The following DENND4A variants were observed in gnomAD, a reference collection of about 807,000 sequenced individuals.
DENND4A encodes the protein C-myc promoter-binding protein.
In DENND4A, 70 loss-of-function variants were observed where a neutral mutation model predicts 199.3. The observed-to-expected ratio is 0.35, with a 90% CI of 0.29 to 0.43. The LOEUF (loss-of-function observed/expected upper bound fraction) is 0.43, where lower values mean the gene tolerates loss of function less well. Ranked by LOEUF, DENND4A falls within the 20% of genes least tolerant of loss-of-function variation. The pLI, the probability that DENND4A is intolerant of heterozygous loss-of-function variation, is 1.00. For synonymous variants in DENND4A, 686 were observed against 766.9 expected (o/e 0.89, Z 1.74); for missense variants, 1,723 against 2,255.8 (o/e 0.76, Z 4.78).
Position 65,757,265 on chromosome 15 carries a change from G to C in DENND4A, c.-22-793C>G, listed in dbSNP as rs866204948. On this transcript the variant is annotated intron_variant, in intron 2 of 32. Coordinates refer to ENST00000443035, the MANE Select transcript of DENND4A (RefSeq NM_001320835.1). Reference sequence around the variant, plus strand: ...ATTTTGTTTTATTCTTCTGAGATGGGGGGGGGGGGGTCTCACTATGTTGCC... The same window carrying C: ...ATTTTGTTTTATTCTTCTGAGATGGCGGGGGGGGGGTCTCACTATGTTGCC... 1.9e-4 allele frequency among the ~76,000 whole-genome samples: 26 copies of C among 134,442 alleles called. 1 individual carries two copies. The South Asian group carries it at 3.2e-3, about 17-fold the overall frequency. 88.2% of individuals were successfully genotyped at this position (134,442 alleles called of 152,430 possible).
intron 14 of DENND4A, among the ~76,000 whole-genome samples, chr15:65,712,709 T>A (rs1016744052): frequency 6.1e-5 from 9 of 148,328 alleles, no homozygotes; most frequent in Non-Finnish European, 1.2e-4. Flanking sequence ...GGATGAGTTG[T>A]ATTTTGGCTG....
chr15:65,732,421 C>T (rs2075985802), intron 8 of DENND4A, among the ~76,000 whole-genome samples: 1 of 152,056 alleles, frequency 6.6e-6, no homozygotes, highest in South Asian at 2.1e-4. Flanking sequence ...GCACACACAA[C>T]TTTCCCTTAA....
chr15:65,738,648 T>C (rs2076174608), intron 6 of DENND4A, 58 bp downstream of exon 6: 1 of 1,478,000 alleles, frequency 6.8e-7, no homozygotes, highest in South Asian at 1.3e-5. Flanking sequence ...CCTTGCATTA[T>C]AGAAAACTTG....
At chr15:65,695,124 A>G (rs1450272251) in intron 22 of DENND4A, among the ~76,000 whole-genome samples, 1 of 152,228 alleles carries the variant, frequency 6.6e-6, no homozygotes, top group Non-Finnish European at 1.5e-5. Flanking sequence ...TACAACAATT[A>G]TCTAACAAAG....
At chr15:65,745,495 A>C (rs928983103) in intron 4 of DENND4A, among the ~76,000 whole-genome samples, 3 of 152,218 alleles carry the variant, frequency 2.0e-5, no homozygotes, top group African/African-American at 4.8e-5. Flanking sequence ...AGCAACATTT[A>C]ACACACTAAT....
rs1434460518 is a variant in DENND4A, at chr15:65,789,466, C to T, written c.-102+2544G>A. The stretch of plus-strand genomic sequence containing the variant: ...GACTCCCTCCACGCCCAGCATCCTC[C>T]CACAAATTCTACTGAATAAACAATC... On this transcript the variant is annotated intron_variant, in intron 1 of 32. Coordinates refer to ENST00000443035, the MANE Select transcript of DENND4A (RefSeq NM_001320835.1). Among the ~76,000 whole-genome samples the T allele has an allele frequency of 2.0e-5, 3 of 151,686 alleles. No homozygotes were observed. The East Asian group carries it at 5.8e-4, about 29-fold the overall frequency.
At chr15:65,765,378 C>A (rs2076957071) in intron 1 of DENND4A, among the ~76,000 whole-genome samples, 1 of 152,108 alleles carries the variant, frequency 6.6e-6, no homozygotes, top group South Asian at 2.1e-4. Context: ...ATGTGCTAAG[C>A]CATTATCTTT....
chr15:65,671,777 T>G lies in DENND4A; in HGVS notation c.4464+15A>C, dbSNP rs373906080. 1.4e-5 allele frequency: 21 copies of G among 1,496,308 alleles called. No individual in the cohort carries two copies. Among genetic ancestry groups the G allele is most frequent in the African/African-American group, 2.8e-5 (2 of 72,570 alleles). 92.7% of individuals were successfully genotyped at this position (1,496,308 alleles called of 1,614,324 possible). On this transcript the variant is annotated intron_variant, in intron 25 of 32. Coordinates refer to ENST00000443035, the MANE Select transcript of DENND4A (RefSeq NM_001320835.1). ...AAAGCAGTATATGAAGATTCTCTTT[T>G]GCACAAAAGTGTACCTCCATTGCAT...
intron 1 of DENND4A, among the ~76,000 whole-genome samples, chr15:65,765,210 A>C (rs1459499610): frequency 6.6e-6 from 1 of 152,236 alleles, no homozygotes; most frequent in Admixed American, 6.5e-5. Flanking sequence ...TCTTCTGCTA[A>C]TGAAGATAAC....
chr15:65,749,560 T>C (rs950464557), intron 4 of DENND4A, among the ~76,000 whole-genome samples: 3 of 152,014 alleles, frequency 2.0e-5, no homozygotes, highest in African/African-American at 4.8e-5. Flanking sequence ...AATAAATAAA[T>C]TGTGGCACAT....
chr15:65,686,213 G>C (rs914766507), intron 23 of DENND4A, among the ~76,000 whole-genome samples: 1 of 152,116 alleles, frequency 6.6e-6, no homozygotes, highest in African/African-American at 2.4e-5. Context: ...GTAATGTTCT[G>C]TAACTCTTTA....
At chr15:65,686,022 T>C (rs1164688236) in intron 23 of DENND4A, among the ~76,000 whole-genome samples, 2 of 152,210 alleles carry the variant, frequency 1.3e-5, no homozygotes, top group African/African-American at 4.8e-5. Context: ...CTATTTTCTA[T>C]ATTAATTTTA....
rs1273368188 is a variant in DENND4A, at chr15:65,659,857, A to G, written c.*1994T>C. Reference sequence around the variant, plus strand: ...AAATGAGTCTGAATCGTAAAACCATAAAGAATGGTTTTACTCATTCTTTGT... The same window carrying G: ...AAATGAGTCTGAATCGTAAAACCATGAAGAATGGTTTTACTCATTCTTTGT... On this transcript the variant is annotated 3_prime_UTR_variant, in exon 33 of 33. Coordinates refer to ENST00000443035, the MANE Select transcript of DENND4A (RefSeq NM_001320835.1). 6.4e-6 allele frequency: 1 copy of G among 155,206 alleles called. No homozygotes were observed. Among genetic ancestry groups the G allele is most frequent in the South Asian group, 2.0e-4 (1 of 5,010 alleles). The allele number at this position is 155,206 out of a possible 1,614,324, so 9.6% of individuals were successfully genotyped here.
chr15:65,663,824 T>A (rs553749552), intron 32 of DENND4A, among the ~76,000 whole-genome samples: 1 of 151,896 alleles, frequency 6.6e-6, no homozygotes, highest in East Asian at 1.9e-4. Context: ...TAACTTTTTT[T>A]TTTTTTTGGT....
chr15:65,671,982 T>C, intron 24 of DENND4A, 96 bp from the exon 25 acceptor site: 1 of 781,980 alleles, frequency 1.3e-6, no homozygotes, highest in Non-Finnish European at 2.3e-6. Flanking sequence ...GATAAAATGT[T>C]AACCTATTCC....
chr15:65,686,913 C>T (rs2076804465), intron 23 of DENND4A, among the ~76,000 whole-genome samples: 1 of 151,922 alleles, frequency 6.6e-6, no homozygotes, highest in African/African-American at 2.4e-5. Context: ...ATGTTGCCCA[C>T]GCTGGTTTCA....
At position 65,792,187 on chromosome 15, in the gene DENND4A, C is replaced by G. The variant is rs1022023522; in HGVS notation, c.-279G>C. On this transcript the variant is annotated 5_prime_UTR_variant, in exon 1 of 33. Coordinates refer to ENST00000443035, the MANE Select transcript of DENND4A (RefSeq NM_001320835.1). The stretch of plus-strand genomic sequence containing the variant: ...CCCCCGCCCGCCCGCCCAGGCCTGC[C>G]GTCTCAGTCAGACGGGACTCCCCCT... The G allele has an allele frequency of 6.6e-6, 1 of 151,948 alleles. No individual in the cohort carries two copies. The highest frequency in any genetic ancestry group is 2.4e-5 in the African/African-American group (1 of 41,224). The allele number at this position is 151,948 out of a possible 1,614,324, so 9.4% of individuals were successfully genotyped here. A position where few individuals can be genotyped will look rare whatever the true frequency, so the allele number is the denominator to read the frequency against.
chr15:65,733,334 T>C lies in DENND4A; in HGVS notation c.1041-516A>G, dbSNP rs530711015. ...TAAGATGGATAAAAAGCTAGATCTA[T>C]GGATTTTGTTTTTAACACTATGGAA... is the stretch of plus-strand genomic sequence containing the variant. On this transcript the variant is annotated intron_variant, in intron 7 of 32. Coordinates refer to ENST00000443035, the MANE Select transcript of DENND4A (RefSeq NM_001320835.1). Among the ~76,000 whole-genome samples, 6 of 152,254 alleles carry C rather than the reference T, an allele frequency of 3.9e-5. No individual in the cohort carries two copies. The East Asian group carries it at 5.8e-4, about 15-fold the overall frequency.
intron 27 of DENND4A, among the ~76,000 whole-genome samples, chr15:65,669,106 T>C (rs914358360): frequency 6.6e-6 from 1 of 152,156 alleles, no homozygotes; most frequent in Non-Finnish European, 1.5e-5. Context: ...AGGGCTACAA[T>C]AGACCGGTGA....
Sources: gnomAD v4.1 joint callset for allele counts (sites outside exome capture counted in the v4.1 genomes callset) on GRCh38, gnomAD v4.1.1 for gene constraint, MANE v1.5 for transcripts, NCBI Gene and HGNC (gene_info 2026-07-23, HGNC 2026-07-21) for gene names.